EPB41L5: variants seen among roughly 807,000 people sequenced by gnomAD.
The protein encoded by EPB41L5 is band 4.1-like protein 5.
In EPB41L5, 55 loss-of-function variants were observed where a neutral mutation model predicts 106.6. The observed-to-expected ratio is 0.52, with a 90% CI of 0.42 to 0.65. EPB41L5 has a LOEUF of 0.65. EPB41L5 is among the 30% of genes least tolerant of loss of function. EPB41L5 has a pLI of 0.00. For synonymous variants in EPB41L5, 297 were observed against 306.7 expected (o/e 0.97, Z 0.33); for missense variants, 871 against 882.1 (o/e 0.99, Z 0.16).
Position 120,152,188 on chromosome 2 carries a change from G to A in EPB41L5, c.1793+5899G>A, listed in dbSNP as rs527361594. The stretch of plus-strand genomic sequence containing the variant: ...CATATATGCCCTTTACCATACTGTG[G>A]AAATTCCATTCTATTCTGTTTGTTT... On this transcript the variant is annotated intron_variant, in intron 20 of 24. Coordinates refer to ENST00000263713, the MANE Select transcript of EPB41L5 (RefSeq NM_020909.4). 2.6e-5 allele frequency among the ~76,000 whole-genome samples: 4 copies of A among 152,210 alleles called. No individual in the cohort carries two copies. The South Asian group carries it at 8.3e-4, about 32-fold the overall frequency.
At chr2:120,067,333 T>C (rs967492610) in intron 3 of EPB41L5, among the ~76,000 whole-genome samples, 2 of 152,216 alleles carry the variant, frequency 1.3e-5, no homozygotes, top group African/African-American at 2.4e-5. Context: ...ACAGTTACAG[T>C]GCAGCTTTGT....
rs3084679 is a variant in EPB41L5 at position 120,128,256 on chromosome 2, A to AACACACACACACACACACACACAC, written c.1501+417_1501+440dup. Among the ~76,000 whole-genome samples the AACACACACACACACACACACACAC allele has an allele frequency of 6.9e-3, 1,009 of 145,360 alleles. 8 individuals carry two copies. Among genetic ancestry groups the AACACACACACACACACACACACAC allele is most frequent in the African/African-American group, 0.025 (964 of 38,872 alleles). ...TAACACAGAAAGAATGGTGCTTTAA[A>AACACACACACACACACACACACAC]ACACACACACACACACACACACACA... On this transcript the variant is annotated intron_variant, in intron 17 of 24. Coordinates refer to ENST00000263713, the MANE Select transcript of EPB41L5 (RefSeq NM_020909.4).
chr2:120,161,665 T>A (rs573926037), intron 21 of EPB41L5, among the ~76,000 whole-genome samples: 161 of 152,278 alleles, frequency 1.1e-3, no homozygotes, highest in African/African-American at 3.5e-3. Context: ...ATTCCTGTGC[T>A]TCGGACCGGT....
At chr2:120,163,475 A>G (rs1176633790) in intron 21 of EPB41L5, among the ~76,000 whole-genome samples, 2 of 152,030 alleles carry the variant, frequency 1.3e-5, no homozygotes, top group South Asian at 2.1e-4. Context: ...ATTTATAGGG[A>G]GAGAGTTCAT....
chr2:120,116,653 G>A (rs1346865976), intron 16 of EPB41L5, among the ~76,000 whole-genome samples: 1 of 151,928 alleles, frequency 6.6e-6, no homozygotes, highest in Non-Finnish European at 1.5e-5. Context: ...CAAGTAGCTA[G>A]GACTATAGGC....
At chr2:120,079,488 C>T (rs1279560886) in intron 10 of EPB41L5, among the ~76,000 whole-genome samples, 1 of 152,262 alleles carries the variant, frequency 6.6e-6, no homozygotes, top group Admixed American at 6.5e-5. Context: ...CTGAGAGTTT[C>T]CTTGCCCTCC....
At chr2:120,146,939 A>G (rs1356848347) in intron 20 of EPB41L5, among the ~76,000 whole-genome samples, 1 of 152,236 alleles carries the variant, frequency 6.6e-6, no homozygotes, top group Non-Finnish European at 1.5e-5. Flanking sequence ...CGCAGTCAAC[A>G]TGGCACCACA....
intron 2 of EPB41L5, among the ~76,000 whole-genome samples, chr2:120,036,124 T>A (rs1679023503): frequency 6.6e-6 from 1 of 152,158 alleles, no homozygotes; most frequent in Admixed American, 6.5e-5. Flanking sequence ...CAAGAATAAA[T>A]CATAATAGCA....
intron 2 of EPB41L5, among the ~76,000 whole-genome samples, chr2:120,022,386 G>A (rs6751846): frequency 0.99 from 149,816 of 151,160 alleles, 74,259 homozygotes; most frequent in East Asian, 1. Flanking sequence ...CCCTGTGTCT[G>A]TGTGTTCTCA....
At chr2:120,161,075 G>A in intron 21 of EPB41L5, 101 bp downstream of exon 21, 1 of 830,968 alleles carries the variant, frequency 1.2e-6, no homozygotes, top group East Asian at 2.5e-5. Context: ...GTGACACTGG[G>A]ACTTAAGATG....
intron 2 of EPB41L5, among the ~76,000 whole-genome samples, chr2:120,034,933 T>G (rs1340611957): frequency 6.6e-6 from 1 of 152,190 alleles, no homozygotes; most frequent in East Asian, 1.9e-4. Context: ...AAACCAGTAG[T>G]TTTCTTTTTC....
Position 120,078,587 on chromosome 2 carries a change from C to T in EPB41L5, c.803+6C>T. 1 of 1,590,134 alleles carries T rather than the reference C, an allele frequency of 6.3e-7. No homozygotes were observed. ...AAAATTGGCTTATTTTTTTGGTAAG[C>T]AAGAGTTATTGTCAAAGATACTTAC... On this transcript the variant is annotated splice_donor_region_variant and intron_variant, in intron 10 of 24. Transcript: ENST00000263713.
chr2:120,070,281 G>A (rs1324885829), intron 3 of EPB41L5, among the ~76,000 whole-genome samples: 3 of 152,070 alleles, frequency 2.0e-5, no homozygotes, highest in Admixed American at 1.3e-4. Context: ...ACTAAACCAG[G>A]AAGAAGTCAA....
At chr2:120,051,097 C>T (rs566193930) in intron 3 of EPB41L5, among the ~76,000 whole-genome samples, 20 of 152,270 alleles carry the variant, frequency 1.3e-4, no homozygotes, top group Admixed American at 2.6e-4. Flanking sequence ...TTAGGCTACT[C>T]GGGGGTCAGG....
intron 3 of EPB41L5, among the ~76,000 whole-genome samples, chr2:120,061,031 GTTTT>G (rs375754153): frequency 1.0e-4 from 7 of 69,100 alleles, no homozygotes; most frequent in Admixed American, 2.2e-4. Flanking sequence ...GTTCAGGGAA[GTTTT>G]TTTTTTTTTT....
At chr2:120,135,322 C>T (rs772947585) in intron 18 of EPB41L5, among the ~76,000 whole-genome samples, 3 of 151,852 alleles carry the variant, frequency 2.0e-5, no homozygotes, top group African/African-American at 7.3e-5. Flanking sequence ...AAGGACAAAT[C>T]GAAGAGTTAT....
intron 16 of EPB41L5, among the ~76,000 whole-genome samples, chr2:120,126,558 TC>T (rs759323050): frequency 1.4e-4 from 22 of 152,212 alleles, no homozygotes; most frequent in Non-Finnish European, 2.4e-4. Flanking sequence ...AAAAAGCCTG[TC>T]TTTTCTCCTG....
At chr2:120,086,165 C>T (rs1292813383) in intron 10 of EPB41L5, among the ~76,000 whole-genome samples, 2 of 152,170 alleles carry the variant, frequency 1.3e-5, no homozygotes, top group Non-Finnish European at 2.9e-5. Flanking sequence ...CACGCCACTG[C>T]ACTCCAGCCT....
chr2:120,019,374 T>G, intron 2 of EPB41L5, 110 bp downstream of exon 2: 1 of 984,720 alleles, frequency 1.0e-6, no homozygotes, highest in Non-Finnish European at 1.5e-6. Flanking sequence ...AAAGGTATTA[T>G]GGGTTAGTAT....
Sources: gnomAD v4.1 joint callset for allele counts (sites outside exome capture counted in the v4.1 genomes callset) on GRCh38, gnomAD v4.1.1 for gene constraint, MANE v1.5 for transcripts, NCBI Gene and HGNC (gene_info 2026-07-23, HGNC 2026-07-21) for gene names.